Variants in CCNC observed in about 807,000 individuals in gnomAD.
CCNC encodes cyclin-C.
In CCNC, 19 loss-of-function variants were observed where a neutral mutation model predicts 50.0. That is an observed-to-expected ratio of 0.38 (90% confidence interval 0.27 to 0.56). The LOEUF is 0.56. CCNC is among the 20% of genes least tolerant of loss of function. The pLI is 0.72. For missense variants in CCNC, 200 were observed against 327.1 expected, an observed-to-expected ratio of 0.61 and a Z score of 3.00; for synonymous variants, 93 against 103.7, an observed-to-expected ratio of 0.90 and a Z score of 0.63.
At chr6:99,548,726 C>T (rs1802170724) in intron 9 of CCNC, among the ~76,000 whole-genome samples, 2 of 149,010 alleles carry the variant, frequency 1.3e-5, no homozygotes, top group South Asian at 4.2e-4. Context: ...TCGCTTGAAC[C>T]CAGGAGGCAG....
At chr6:99,563,009 AAC>A (rs1366464881) in intron 1 of CCNC, 61 bp from the exon 2 acceptor site, 1 of 1,002,626 alleles carries the variant, frequency 1.0e-6, no homozygotes, top group Non-Finnish European at 1.5e-6. Context: ...TCTAAGATTG[AAC>A]ACATTGTTCA....
At chr6:99,543,839 G>T in intron 11 of CCNC, 1 of 1,361,598 alleles carries the variant, frequency 7.3e-7, no homozygotes, top group South Asian at 1.9e-5. Flanking sequence ...AAGCATTCTG[G>T]AAGTTAGTGT....
intron 9 of CCNC, among the ~76,000 whole-genome samples, chr6:99,546,965 A>C (rs1412699369): frequency 2.0e-5 from 3 of 152,328 alleles, no homozygotes; most frequent in East Asian, 1.9e-4. Flanking sequence ...TGATCAAGTT[A>C]TGTGAAAGCT....
intron 11 of CCNC, among the ~76,000 whole-genome samples, chr6:99,544,781 C>G (rs1802012071): frequency 6.9e-6 from 1 of 145,454 alleles, no homozygotes; most frequent in South Asian, 2.2e-4. Flanking sequence ...CAGAATCAAA[C>G]TGACATGAAA....
chr6:99,545,312 C>T (rs330806), intron 10 of CCNC, 82 bp from the exon 11 acceptor site: 1 of 706,496 alleles, frequency 1.4e-6, no homozygotes. Flanking sequence ...ACTACACAAC[C>T]CTCAGAAAAC....
At position 99,550,973 on chromosome 6, in the gene CCNC, A is replaced by C. The variant is rs764375418; in HGVS notation, c.438+20T>G. On this transcript the variant is annotated intron_variant, in intron 7 of 11. Coordinates refer to ENST00000520429, the MANE Select transcript of CCNC (RefSeq NM_005190.4). ...AATTTAAAAATGTTTTAATCTATTAATCACAGAAGATTTACTTACCATTAG... is the reference window on the plus strand; with the variant it reads ...AATTTAAAAATGTTTTAATCTATTACTCACAGAAGATTTACTTACCATTAG... The C allele has an allele frequency of 6.0e-6, 6 of 1,001,008 alleles. No individual in the cohort carries two copies. In the South Asian group the frequency reaches 1.0e-4, roughly 17 times the overall value. The allele number at this position is 1,001,008 out of a possible 1,614,324, so 62.0% of individuals were successfully genotyped here. A position where few individuals can be genotyped will look rare whatever the true frequency, so the allele number is the denominator to read the frequency against.
chr6:99,544,043 C>G, intron 11 of CCNC: 3 of 1,229,120 alleles, frequency 2.4e-6, no homozygotes, highest in Non-Finnish European at 3.1e-6. Flanking sequence ...AAACTGTTGT[C>G]CAAAGGCATA....
intron 1 of CCNC, 131 bp downstream of exon 1, chr6:99,568,365 C>T: frequency 1.2e-6 from 1 of 861,690 alleles, no homozygotes; most frequent in Non-Finnish European, 1.8e-6. Context: ...TTGATTCTGA[C>T]CGCTGCGGTC....
At position 99,543,528 on chromosome 6, in the gene CCNC, G is replaced by T; in HGVS notation, c.*27C>A. The T allele has an allele frequency of 6.2e-7, 1 of 1,611,756 alleles. No individual in the cohort carries two copies. Among genetic ancestry groups the T allele is most frequent in the Non-Finnish European group, 8.5e-7 (1 of 1,178,270 alleles). On this transcript the variant is annotated 3_prime_UTR_variant, in exon 12 of 12. Transcript: ENST00000520429. ...CTGTCCAATGGTTTATTTCCAAGTG[G>T]TCCACTATGGAATTCTTCGGAATGT... is the stretch of plus-strand genomic sequence containing the variant.
At chr6:99,567,569 TA>T (rs1201889080) in intron 1 of CCNC, among the ~76,000 whole-genome samples, 1 of 152,146 alleles carries the variant, frequency 6.6e-6, no homozygotes, top group African/African-American at 2.4e-5. Context: ...TGCAAAGGGC[TA>T]AAAAATGAAC....
chr6:99,547,846 C>T (rs1228515018), intron 9 of CCNC, among the ~76,000 whole-genome samples: 11 of 152,016 alleles, frequency 7.2e-5, no homozygotes, highest in Non-Finnish European at 1.5e-5. Flanking sequence ...GCTGTGGTAA[C>T]ATGGATAGAA....
At chr6:99,555,037 G>T (rs1031468604) in intron 5 of CCNC, among the ~76,000 whole-genome samples, 6 of 152,086 alleles carry the variant, frequency 3.9e-5, no homozygotes. Flanking sequence ...TGAGAAACCC[G>T]GCTCTCAAAC....
At chr6:99,561,462 A>G (rs1020978563) in intron 3 of CCNC, 26 bp from the exon 4 acceptor site, 1 of 1,475,188 alleles carries the variant, frequency 6.8e-7, no homozygotes. Flanking sequence ...ACAAAGTTAA[A>G]TATCATTCAT....
chr6:99,549,818 A>T (rs1305304772), intron 8 of CCNC, among the ~76,000 whole-genome samples: 1 of 152,164 alleles, frequency 6.6e-6, no homozygotes, highest in Non-Finnish European at 1.5e-5. Flanking sequence ...AAAATCTCAT[A>T]ACAAATTATA....
chr6:99,545,304 T>C, intron 10 of CCNC, 74 bp from the exon 11 acceptor site: 2 of 746,912 alleles, frequency 2.7e-6, no homozygotes, highest in Non-Finnish European at 2.4e-6. Flanking sequence ...CATACATCAC[T>C]ACACAACCCT....
chr6:99,552,007 A>C (rs1802319925), intron 5 of CCNC, 112 bp from the exon 6 acceptor site: 2 of 635,904 alleles, frequency 3.1e-6, no homozygotes, highest in Non-Finnish European at 2.3e-6. Flanking sequence ...TTTCAGTAGG[A>C]ATTCTTGGCA....
chr6:99,552,242 A>T (rs1277432602), intron 5 of CCNC, among the ~76,000 whole-genome samples: 1 of 152,184 alleles, frequency 6.6e-6, no homozygotes, highest in African/African-American at 2.4e-5. Flanking sequence ...GCTTAGAAGG[A>T]ACACAGGGGT....
At chr6:99,546,372 T>G in intron 10 of CCNC, 23 bp downstream of exon 10, 2 of 1,516,466 alleles carry the variant, frequency 1.3e-6, no homozygotes, top group South Asian at 2.3e-5. Flanking sequence ...AACATCCAAG[T>G]TTACATACAA....
chr6:99,565,084 A>C (rs535658537), intron 1 of CCNC, among the ~76,000 whole-genome samples: 1 of 152,234 alleles, frequency 6.6e-6, no homozygotes, highest in East Asian at 1.9e-4. Flanking sequence ...AAACATAGAA[A>C]ATTAAGTAAT....
Sources: gnomAD v4.1 joint callset for allele counts (sites outside exome capture counted in the v4.1 genomes callset) on GRCh38, gnomAD v4.1.1 for gene constraint, MANE v1.5 for transcripts, NCBI Gene and HGNC (gene_info 2026-07-23, HGNC 2026-07-21) for gene names.